Variants in LHFPL3 observed in about 807,000 individuals in gnomAD.
The protein encoded by LHFPL3 is LHFPL tetraspan subfamily member 3 protein.
LHFPL3 carries 5 observed loss-of-function variants against 19.3 expected under a neutral mutation model. That is an observed-to-expected ratio of 0.26 (90% CI 0.14 to 0.54). The LOEUF is 0.54. Among genes scored for constraint, LHFPL3 ranks in the 20% least tolerant of loss-of-function variants. The pLI is 0.94. For missense variants in LHFPL3, 249 were observed against 307.4 expected (o/e 0.81, Z 1.42); for synonymous variants, 133 against 126.2 (o/e 1.05, Z -0.36).
At chr7:104,483,544 G>C (rs541371655) in intron 1 of LHFPL3, among the ~76,000 whole-genome samples, 2 of 152,312 alleles carry the variant, frequency 1.3e-5, no homozygotes, top group African/African-American at 4.8e-5. Flanking sequence ...AGATACTCCT[G>C]ATACACTTTG....
intron 2 of LHFPL3, among the ~76,000 whole-genome samples, chr7:104,776,529 T>A (rs571638291): frequency 6.6e-6 from 1 of 152,336 alleles, no homozygotes; most frequent in Non-Finnish European, 1.5e-5. Flanking sequence ...CCACCTCCAC[T>A]GGGCCCTCCT....
At chr7:104,428,618 G>A (rs917542318) in intron 1 of LHFPL3, among the ~76,000 whole-genome samples, 7 of 152,156 alleles carry the variant, frequency 4.6e-5, no homozygotes, top group Non-Finnish European at 1.0e-4. Context: ...CTAAGTCGTG[G>A]CTTATGGCTT....
At chr7:104,620,312 T>A (rs1176348798) in intron 1 of LHFPL3, among the ~76,000 whole-genome samples, 1 of 152,210 alleles carries the variant, frequency 6.6e-6, no homozygotes. Flanking sequence ...TTAGGAATAA[T>A]CTTCACTCCA....
chr7:104,801,354 G>A (rs1790241486), intron 2 of LHFPL3, among the ~76,000 whole-genome samples: 1 of 152,148 alleles, frequency 6.6e-6, no homozygotes, highest in African/African-American at 2.4e-5. Context: ...TCCCATCACG[G>A]TGATGACAGA....
intron 1 of LHFPL3, among the ~76,000 whole-genome samples, chr7:104,690,592 A>G (rs1247292425): frequency 1.3e-5 from 2 of 152,238 alleles, no homozygotes; most frequent in Admixed American, 6.5e-5. Flanking sequence ...AAATCTGACT[A>G]AAATTCAGGG....
chr7:104,685,616 G>T (rs73415615), intron 1 of LHFPL3, among the ~76,000 whole-genome samples: 6,597 of 152,250 alleles, frequency 0.043, 491 homozygotes, highest in African/African-American at 0.15. Context: ...TCCTACAGGT[G>T]CTCATCACAG....
chr7:104,741,431 C>G (rs1793934365), intron 2 of LHFPL3, among the ~76,000 whole-genome samples: 1 of 144,930 alleles, frequency 6.9e-6, no homozygotes, highest in Admixed American at 7.0e-5. Context: ...CCATGGAGCT[C>G]CAGTGAAGTG....
intron 2 of LHFPL3, among the ~76,000 whole-genome samples, chr7:104,856,720 T>C (rs2116626561): frequency 6.6e-6 from 1 of 152,342 alleles, no homozygotes; most frequent in East Asian, 1.9e-4. Context: ...AAATTGTATG[T>C]TTTTTAATTG....
At chr7:104,882,816 A>T (rs566608123) in intron 2 of LHFPL3, among the ~76,000 whole-genome samples, 2 of 152,318 alleles carry the variant, frequency 1.3e-5, no homozygotes, top group Admixed American at 6.5e-5. Context: ...TGTTATTTTT[A>T]AAAGTTTCTC....
At chr7:104,576,201 G>A (rs1790336206) in intron 1 of LHFPL3, among the ~76,000 whole-genome samples, 1 of 152,142 alleles carries the variant, frequency 6.6e-6, no homozygotes, top group Non-Finnish European at 1.5e-5. Context: ...AAAGATCTAT[G>A]GACTCAGGAA....
intron 1 of LHFPL3, among the ~76,000 whole-genome samples, chr7:104,433,376 C>G (rs76781163): frequency 1.3e-5 from 2 of 152,162 alleles, no homozygotes; most frequent in Non-Finnish European, 2.9e-5. Flanking sequence ...CCCACTCCCC[C>G]CAGGGCTCTC....
At chr7:104,505,561 A>C (rs1269380300) in intron 1 of LHFPL3, among the ~76,000 whole-genome samples, 1 of 152,170 alleles carries the variant, frequency 6.6e-6, no homozygotes, top group African/African-American at 2.4e-5. Context: ...CTGAGCATGG[A>C]TGACTGAGTT....
chr7:104,472,039 G>A (rs116180275), intron 1 of LHFPL3, among the ~76,000 whole-genome samples: 3,141 of 152,018 alleles, frequency 0.021, 116 homozygotes, highest in African/African-American at 0.072. Flanking sequence ...TTAGCCGAGG[G>A]TGGGGCGTGT....
chr7:104,365,233 AG>A (rs1480098092), intron 1 of LHFPL3, among the ~76,000 whole-genome samples: 1 of 152,118 alleles, frequency 6.6e-6, no homozygotes, highest in South Asian at 2.1e-4. Context: ...TGAGAGGCAG[AG>A]GTTTCAGTGA....
At chr7:104,584,645 A>G (rs1790530251) in intron 1 of LHFPL3, among the ~76,000 whole-genome samples, 1 of 152,140 alleles carries the variant, frequency 6.6e-6, no homozygotes, top group Non-Finnish European at 1.5e-5. Flanking sequence ...GACTAACCAA[A>G]TGAAGAAAGT....
At chr7:104,345,746 A>G (rs999479007) in intron 1 of LHFPL3, among the ~76,000 whole-genome samples, 1 of 152,186 alleles carries the variant, frequency 6.6e-6, no homozygotes, top group Admixed American at 6.5e-5. Flanking sequence ...TGATGTAAAC[A>G]TAATAAGTGG....
At chr7:104,811,162 C>CT (rs1562800485) in intron 2 of LHFPL3, among the ~76,000 whole-genome samples, 15 of 134,128 alleles carry the variant, frequency 1.1e-4, no homozygotes, top group African/African-American at 3.4e-4. Flanking sequence ...TTCTTTCTTT[C>CT]TTTCTTTCTT....
At chr7:104,586,019 T>A (rs1447930355) in intron 1 of LHFPL3, among the ~76,000 whole-genome samples, 1 of 152,122 alleles carries the variant, frequency 6.6e-6, no homozygotes, top group East Asian at 1.9e-4. Flanking sequence ...ACTTTCATGG[T>A]AATAATTACA....
chr7:104,603,071 TTTCTTTC>T (rs1482826596), intron 1 of LHFPL3, among the ~76,000 whole-genome samples: 2 of 32,148 alleles, frequency 6.2e-5, no homozygotes, highest in East Asian at 3.2e-3. Flanking sequence ...TTTCTTTTTC[TTTCTTTC>T]TTTCTTTCTT....
Sources: gnomAD v4.1 joint callset for allele counts (sites outside exome capture counted in the v4.1 genomes callset) on GRCh38, gnomAD v4.1.1 for gene constraint, MANE v1.5 for transcripts, NCBI Gene and HGNC (gene_info 2026-07-23, HGNC 2026-07-21) for gene names.